LRMDA: variants seen among roughly 807,000 people sequenced by gnomAD.
LRMDA encodes the protein leucine-rich melanocyte differentiation-associated protein.
Under a neutral mutation model 29.8 loss-of-function variants are expected in LRMDA, and 18 were observed. The observed-to-expected ratio is 0.60, with a 90% confidence interval of 0.42 to 0.90. The LOEUF (loss-of-function observed/expected upper bound fraction) is 0.90, where lower values mean the gene tolerates loss of function less well. LRMDA is among the 40% of genes least tolerant of loss of function. The pLI is 0.00. For synonymous variants in LRMDA, 125 were observed against 109.4 expected (o/e 1.14, Z -0.89); for missense variants, 273 against 273.9 (o/e 1.00, Z 0.02).
At chr10:75,702,852 A>G (rs1365447782) in intron 2 of LRMDA, among the ~76,000 whole-genome samples, 1 of 152,172 alleles carries the variant, frequency 6.6e-6, no homozygotes, top group Admixed American at 6.5e-5. Context: ...AGTGAGAATA[A>G]TAATTTTGAG....
At chr10:75,943,612 G>A (rs1036992258) in intron 2 of LRMDA, among the ~76,000 whole-genome samples, 1 of 152,184 alleles carries the variant, frequency 6.6e-6, no homozygotes, top group Non-Finnish European at 1.5e-5. Context: ...GTTAGCTGCT[G>A]TATTTGGGAC....
rs1564528737 is a variant in LRMDA, at chr10:75,641,409, A to ATAAT, written c.131+202915_131+202916insTAAT. The stretch of plus-strand genomic sequence containing the variant: ...TTAATATGTGGATATGTTAATATAT[A>ATAAT]ATATATATATATACAGATATTATTG... On this transcript the variant is annotated intron_variant, in intron 2 of 6. Transcript: ENST00000611255. 3.4e-5 allele frequency among the ~76,000 whole-genome samples: 5 copies of ATAAT among 148,712 alleles called. No homozygotes were observed. The South Asian group carries it at 1.1e-3, about 31-fold the overall frequency.
chr10:76,427,503 G>C (rs1438482453), intron 6 of LRMDA, among the ~76,000 whole-genome samples: 1 of 152,142 alleles, frequency 6.6e-6, no homozygotes, highest in Non-Finnish European at 1.5e-5. Context: ...GAGATTTTGG[G>C]CTGAGACGAT....
intron 6 of LRMDA, among the ~76,000 whole-genome samples, chr10:76,422,700 A>G (rs1842082979): frequency 6.6e-6 from 1 of 152,166 alleles, no homozygotes; most frequent in South Asian, 2.1e-4. Context: ...AGCTGTTTTG[A>G]AGGCCTACAG....
At chr10:76,373,870 G>A (rs1271671652) in intron 6 of LRMDA, among the ~76,000 whole-genome samples, 1 of 152,132 alleles carries the variant, frequency 6.6e-6, no homozygotes, top group African/African-American at 2.4e-5. Flanking sequence ...GTTTGCCTGG[G>A]ACTGTCCTGG....
intron 5 of LRMDA, among the ~76,000 whole-genome samples, chr10:76,222,673 C>T (rs569512507): frequency 3.5e-4 from 54 of 152,296 alleles, no homozygotes; most frequent in African/African-American, 1.3e-3. Flanking sequence ...GTTGGTGGGA[C>T]TGTAAACTAG....
At chr10:76,293,629 T>C (rs1366887787) in intron 5 of LRMDA, among the ~76,000 whole-genome samples, 1 of 152,234 alleles carries the variant, frequency 6.6e-6, no homozygotes, top group Non-Finnish European at 1.5e-5. Flanking sequence ...CTTAGGGAGA[T>C]AACTATGAGG....
chr10:75,608,385 G>C (rs888073666), intron 2 of LRMDA, among the ~76,000 whole-genome samples: 3 of 152,044 alleles, frequency 2.0e-5, no homozygotes, highest in Non-Finnish European at 4.4e-5. Context: ...AGTTATGTAG[G>C]ATGTAATAAG....
chr10:76,228,651 G>C (rs1005427249), intron 5 of LRMDA, among the ~76,000 whole-genome samples: 2 of 152,152 alleles, frequency 1.3e-5, no homozygotes, highest in South Asian at 4.1e-4. Context: ...GCGAGTCCAG[G>C]TGGAGCCATG....
chr10:76,188,921 C>T (rs886516551), intron 5 of LRMDA, among the ~76,000 whole-genome samples: 4 of 142,916 alleles, frequency 2.8e-5, no homozygotes, highest in Admixed American at 7.0e-5. Flanking sequence ...TGCCTCTAGG[C>T]GAATGATTGC....
rs1237211316 is a variant in LRMDA, at chr10:76,028,818, CTT to C, written c.132-7173_132-7172del. On this transcript the variant is annotated intron_variant, in intron 2 of 6. Coordinates refer to ENST00000611255, the MANE Select transcript of LRMDA (RefSeq NM_001305581.2). ...ATATTATGAGAAGCTTATTCAAAGC[CTT>C]TTTTTTTTTTTTTTTTGAGCCGAGT... 7.3e-3 allele frequency among the ~76,000 whole-genome samples: 958 copies of C among 130,966 alleles called. 8 individuals are homozygous for C. The highest frequency in any genetic ancestry group is 0.025 in the African/African-American group (898 of 35,750). 85.9% of individuals were successfully genotyped at this position (130,966 alleles called of 152,430 possible). A position where few individuals can be genotyped will look rare whatever the true frequency, so the allele number is the denominator to read the frequency against.
rs1436176517 is a variant in LRMDA at position 76,215,197 on chromosome 10, G to A, written c.517-109204G>A. Among the ~76,000 whole-genome samples, 3 of 152,218 alleles carry A rather than the reference G, an allele frequency of 2.0e-5. No individual in the cohort carries two copies. The East Asian group carries it at 5.8e-4, about 29-fold the overall frequency. On this transcript the variant is annotated intron_variant, in intron 5 of 6. Coordinates refer to ENST00000611255, the MANE Select transcript of LRMDA (RefSeq NM_001305581.2). ...AGTTTGCTATTTTACACATTGACTTGAGCATGGACGAGAGTGTTCAGGAGC... is the reference window on the plus strand; with the variant it reads ...AGTTTGCTATTTTACACATTGACTTAAGCATGGACGAGAGTGTTCAGGAGC...
chr10:76,484,221 T>C (rs2132329355), intron 6 of LRMDA, among the ~76,000 whole-genome samples: 1 of 151,776 alleles, frequency 6.6e-6, no homozygotes, highest in East Asian at 2.0e-4. Flanking sequence ...TTCCTCCTCC[T>C]CCATCTTCTC....
At chr10:75,792,770 A>G (rs1409124977) in intron 2 of LRMDA, among the ~76,000 whole-genome samples, 2 of 152,212 alleles carry the variant, frequency 1.3e-5, no homozygotes. Flanking sequence ...TTATCCACAA[A>G]AGAAAAAATA....
Position 76,257,923 on chromosome 10 carries a change from C to G in LRMDA, c.517-66478C>G, listed in dbSNP as rs191160904. On this transcript the variant is annotated intron_variant, in intron 5 of 6. Transcript: ENST00000611255. ...GCTTTCCATGTGATCTCTCTTCTTC[C>G]AGAAAGCTAGCCTGGGCATGTTACC... Among the ~76,000 whole-genome samples, 341 of 152,256 alleles carry G rather than the reference C, an allele frequency of 2.2e-3. 2 individuals are homozygous for G. Among genetic ancestry groups the G allele is most frequent in the African/African-American group, 7.5e-3 (310 of 41,566 alleles).
intron 5 of LRMDA, among the ~76,000 whole-genome samples, chr10:76,127,684 G>GA (rs369919157): frequency 2.3e-3 from 331 of 144,266 alleles, no homozygotes; most frequent in African/African-American, 7.9e-3. Context: ...AGCTTGGGAG[G>GA]AAAAAAAAAA....
chr10:76,014,545 G>T (rs1347245173), intron 2 of LRMDA, among the ~76,000 whole-genome samples: 1 of 152,112 alleles, frequency 6.6e-6, no homozygotes, highest in Non-Finnish European at 1.5e-5. Flanking sequence ...GATAGTGCTG[G>T]TTCATCCCAT....
At chr10:75,626,446 G>C (rs1007063792) in intron 2 of LRMDA, among the ~76,000 whole-genome samples, 2 of 152,178 alleles carry the variant, frequency 1.3e-5, no homozygotes, top group Non-Finnish European at 2.9e-5. Flanking sequence ...GTGGAACCAG[G>C]AAAGGGAGAC....
At chr10:76,182,242 G>A (rs923990875) in intron 5 of LRMDA, among the ~76,000 whole-genome samples, 1 of 152,124 alleles carries the variant, frequency 6.6e-6, no homozygotes, top group African/African-American at 2.4e-5. Flanking sequence ...TAGAGAGAGT[G>A]AGGGAAAGTG....
Sources: gnomAD v4.1 joint callset for allele counts (sites outside exome capture counted in the v4.1 genomes callset) on GRCh38, gnomAD v4.1.1 for gene constraint, MANE v1.5 for transcripts, NCBI Gene and HGNC (gene_info 2026-07-23, HGNC 2026-07-21) for gene names.